RSRC1: variants seen among roughly 807,000 people sequenced by gnomAD.
RSRC1 encodes arginine and serine rich coiled-coil 1, also known as serine/Arginine-related protein 53.
Under a neutral mutation model 49.1 loss-of-function variants are expected in RSRC1, and 39 were observed. That is an observed-to-expected ratio of 0.79 (90% CI 0.61 to 1.04). RSRC1 has a LOEUF of 1.04. Among genes scored for constraint, RSRC1 ranks in the 50% least tolerant of loss-of-function variants. The probability of loss-of-function intolerance (pLI) is 0.00; values close to 1 mark genes in which losing one functional copy is unlikely to be tolerated. For synonymous variants in RSRC1, 143 were observed against 130.8 expected (o/e 1.09, Z -0.63); for missense variants, 388 against 402.4 (o/e 0.96, Z 0.31).
At chr3:158,391,753 A>C (rs768168172) in intron 6 of RSRC1, among the ~76,000 whole-genome samples, 17 of 152,152 alleles carry the variant, frequency 1.1e-4, no homozygotes, top group Non-Finnish European at 1.0e-4. Context: ...GAAAAATAAT[A>C]GAGTGGTACG....
chr3:158,197,959 T>A (rs1720744709), intron 3 of RSRC1, among the ~76,000 whole-genome samples: 1 of 152,192 alleles, frequency 6.6e-6, no homozygotes. Flanking sequence ...AAAAAGAATG[T>A]ATATTCTGTT....
At chr3:158,531,071 A>C (rs555001138) in intron 7 of RSRC1, among the ~76,000 whole-genome samples, 18 of 150,442 alleles carry the variant, frequency 1.2e-4, no homozygotes, top group African/African-American at 4.4e-4. Flanking sequence ...GTTATTCAAC[A>C]AATGTTTATT....
chr3:158,438,444 C>G (rs1736171439), intron 6 of RSRC1, among the ~76,000 whole-genome samples: 1 of 152,114 alleles, frequency 6.6e-6, no homozygotes, highest in African/African-American at 2.4e-5. Flanking sequence ...GTAACCAAAA[C>G]AGCGTGATAC....
At chr3:158,404,753 G>A (rs1323178870) in intron 6 of RSRC1, among the ~76,000 whole-genome samples, 1 of 151,924 alleles carries the variant, frequency 6.6e-6, no homozygotes, top group African/African-American at 2.4e-5. Context: ...AGGATATAAA[G>A]AATATACACT....
chr3:158,363,414 C>T (rs1457921138), intron 6 of RSRC1, among the ~76,000 whole-genome samples: 1 of 152,030 alleles, frequency 6.6e-6, no homozygotes, highest in Non-Finnish European at 1.5e-5. Context: ...CAGGTGCGCA[C>T]CACCACACCC....
intron 4 of RSRC1, among the ~76,000 whole-genome samples, chr3:158,224,064 G>C (rs1411704440): frequency 6.6e-6 from 1 of 151,698 alleles, no homozygotes; most frequent in Non-Finnish European, 1.5e-5. Flanking sequence ...AACTTCAGAA[G>C]GGAAGGGTCC....
At chr3:158,153,009 A>C (rs1717642708) in intron 3 of RSRC1, among the ~76,000 whole-genome samples, 1 of 152,330 alleles carries the variant, frequency 6.6e-6, no homozygotes, top group South Asian at 2.1e-4. Context: ...TCTAGGAACT[A>C]AATGCTCTGT....
At chr3:158,276,047 T>G in intron 4 of RSRC1, 1 of 859,690 alleles carries the variant, frequency 1.2e-6, no homozygotes, top group Non-Finnish European at 2.0e-6. Flanking sequence ...AATTTCTATG[T>G]GGGATCTTCA....
At chr3:158,214,719 G>A (rs1721862295) in intron 4 of RSRC1, among the ~76,000 whole-genome samples, 1 of 151,730 alleles carries the variant, frequency 6.6e-6, no homozygotes, top group African/African-American at 2.4e-5. Context: ...ATGATTTCAA[G>A]TGTTTGGAGA....
chr3:158,387,039 A>C (rs185327299), intron 6 of RSRC1, among the ~76,000 whole-genome samples: 18 of 152,164 alleles, frequency 1.2e-4, no homozygotes, highest in Non-Finnish European at 2.5e-4. Context: ...CCGAAGTCAC[A>C]TGTGAAATTA....
intron 6 of RSRC1, among the ~76,000 whole-genome samples, chr3:158,442,638 G>T (rs1207830942): frequency 6.6e-6 from 1 of 152,008 alleles, no homozygotes; most frequent in African/African-American, 2.4e-5. Context: ...CCCTGTTAAT[G>T]TTGCTATTTT....
At chr3:158,277,390 G>A (rs1394052419) in intron 4 of RSRC1, among the ~76,000 whole-genome samples, 1 of 152,078 alleles carries the variant, frequency 6.6e-6, no homozygotes, top group East Asian at 1.9e-4. Context: ...TGCTTGAAAG[G>A]CATTTATAAA....
At chr3:158,285,481 G>A (rs1726471111) in intron 4 of RSRC1, among the ~76,000 whole-genome samples, 1 of 152,100 alleles carries the variant, frequency 6.6e-6, no homozygotes, top group African/African-American at 2.4e-5. Flanking sequence ...AAATTTCCTT[G>A]GGCTATGGCC....
chr3:158,516,055 A>T (rs982313617), intron 7 of RSRC1, among the ~76,000 whole-genome samples: 10 of 152,076 alleles, frequency 6.6e-5, no homozygotes, highest in African/African-American at 1.7e-4. Flanking sequence ...TGTCCTCCGT[A>T]GCTTGGAGTA....
intron 3 of RSRC1, among the ~76,000 whole-genome samples, chr3:158,125,420 T>C (rs146096882): frequency 1.4e-4 from 22 of 152,250 alleles, no homozygotes; most frequent in African/African-American, 4.8e-4. Flanking sequence ...TGTGTGTTTG[T>C]GTTTTCATTT....
At chr3:158,459,714 TG>T (rs1244362455) in intron 6 of RSRC1, among the ~76,000 whole-genome samples, 1 of 152,032 alleles carries the variant, frequency 6.6e-6, no homozygotes, top group African/African-American at 2.4e-5. Flanking sequence ...TGCAATGATA[TG>T]GAGTGGCATA....
At chr3:158,446,592 G>T in intron 6 of RSRC1, among the ~76,000 whole-genome samples, 1 of 151,722 alleles carries the variant, frequency 6.6e-6, no homozygotes, top group East Asian at 1.9e-4. Flanking sequence ...TTTTAATCCA[G>T]GAAAATTTTA....
At chr3:158,149,415 C>T (rs1479183698) in intron 3 of RSRC1, among the ~76,000 whole-genome samples, 1 of 152,082 alleles carries the variant, frequency 6.6e-6, no homozygotes, top group African/African-American at 2.4e-5. Flanking sequence ...ATCAGGTATT[C>T]CCATCTGGTT....
chr3:158,218,914 G>T (rs886565866), intron 4 of RSRC1, among the ~76,000 whole-genome samples: 3 of 151,644 alleles, frequency 2.0e-5, no homozygotes, highest in African/African-American at 4.8e-5. Context: ...ATAAGACACG[G>T]TCTTTGATCT....
Sources: allele counts gnomAD v4.1 joint callset (sites outside exome capture counted in the v4.1 genomes callset), GRCh38; gene constraint gnomAD v4.1.1; transcripts MANE v1.5; gene names NCBI Gene and HGNC (gene_info 2026-07-23, HGNC 2026-07-21).